Variants in VAV2 observed in about 807,000 individuals in gnomAD.
VAV2 encodes vav guanine nucleotide exchange factor 2.
Under a neutral mutation model 132.5 loss-of-function variants are expected in VAV2, and 67 were observed. That is an observed-to-expected ratio of 0.51 (90% CI 0.42 to 0.62). The LOEUF is 0.62. VAV2 is among the 20% of genes least tolerant of loss of function. The probability of loss-of-function intolerance (pLI) is 0.00; values close to 1 mark genes in which losing one functional copy is unlikely to be tolerated. For synonymous variants in VAV2, 492 were observed against 443.5 expected (o/e 1.11, Z -1.37); for missense variants, 938 against 1,153.6 (o/e 0.81, Z 2.71).
At chr9:133,782,514 A>C (rs896725422) in intron 19 of VAV2, among the ~76,000 whole-genome samples, 33 of 152,202 alleles carry the variant, frequency 2.2e-4, no homozygotes, top group Non-Finnish European at 4.8e-4. Context: ...TCCCCAGGTT[A>C]GGGTACTGGG....
At chr9:133,837,987 A>G (rs1369730918) in intron 3 of VAV2, among the ~76,000 whole-genome samples, 2 of 152,196 alleles carry the variant, frequency 1.3e-5, no homozygotes, top group South Asian at 2.1e-4. Flanking sequence ...CCACAGCCCA[A>G]CAAAAGCTCT....
rs1315625010 is a variant in VAV2 at position 133,885,384 on chromosome 9, A to G, written c.322-23952T>C. On this transcript the variant is annotated intron_variant, in intron 2 of 29. Transcript: ENST00000371850. This position sits in a 1 kb window ranked among gnomAD's most constrained non-coding sequence, Gnocchi z 5.0. The stretch of plus-strand genomic sequence containing the variant: ...CTCAGGCATCCCTGTCACATCGATG[A>G]GCAAACATGGCCCAGCGATTTGTGT... Among the ~76,000 whole-genome samples the G allele has an allele frequency of 1.3e-5, 2 of 152,224 alleles. No individual in the cohort carries two copies. The highest frequency in any genetic ancestry group is 1.9e-4 in the East Asian group (1 of 5,200).
chr9:133,789,327 T>A lies in VAV2; in HGVS notation c.1205A>T (p.Glu402Val), dbSNP rs1359711568. 6.2e-7 allele frequency: 1 copy of A among 1,613,938 alleles called. No homozygotes were observed. Among genetic ancestry groups the A allele is most frequent in the Non-Finnish European group, 8.5e-7 (1 of 1,180,026 alleles). Residue 402 changes from glutamate to valine, a missense_variant, in exon 14 of 30, where the codon GAA becomes GTA. By Grantham distance (121) the Glu-to-Val change is moderately radical (BLOSUM62 -2). Coordinates refer to ENST00000371850, the MANE Select transcript of VAV2 (RefSeq NM_001134398.2). ...SIENLQVKLE[E>V]FGRPKIDGEL... ...CCCGTCAATCTTTGGTCTTCCAAAT[T>A]CCTCCAGTTTCACTTGCTGGGAAGA...
At chr9:133,897,897 G>A (rs1012163990) in intron 2 of VAV2, among the ~76,000 whole-genome samples, 6 of 152,164 alleles carry the variant, frequency 3.9e-5, no homozygotes, top group African/African-American at 1.4e-4. Context: ...AGCAGCCTCT[G>A]CCAATTAAAA....
intron 17 of VAV2, 63 bp from the exon 18 acceptor site, chr9:133,784,481 C>G: frequency 6.3e-7 from 1 of 1,576,064 alleles, no homozygotes; most frequent in Non-Finnish European, 8.7e-7. Flanking sequence ...CACCATGTGG[C>G]CATCCTGGGA....
rs1028986077 is a variant in VAV2, at chr9:133,918,403, C to T, written c.321+20700G>A. Among the ~76,000 whole-genome samples the T allele has an allele frequency of 1.3e-5, 2 of 151,952 alleles. No individual in the cohort carries two copies. Among genetic ancestry groups the T allele is most frequent in the African/African-American group, 4.8e-5 (2 of 41,360 alleles). ...GCCCAGCTGCTAGCCCGGGCTACCA[C>T]CACCACCAGGAAACACTCAGAAACC... On this transcript the variant is annotated intron_variant, in intron 2 of 29. Transcript: ENST00000371850. The surrounding 1 kb of genome is among the most constrained non-coding windows in gnomAD (Gnocchi z 4.7).
Position 133,764,077 on chromosome 9 carries a change from C to T in VAV2, c.2622G>A (p.Glu874=), listed in dbSNP as rs1564321814. The change falls in exon 30 of 30, where the codon GAG becomes GAA. Residue 874 remains glutamate (E), a synonymous_variant. Transcript: ENST00000371850. ...IGWFPSTYVE[E]EGIQ ...GTTCCTGCCGTCACTGGATGCCCTC[C>T]TCTTCTACGTACGTTGAAGGAAACC... 1 of 1,613,996 alleles carries T rather than the reference C, an allele frequency of 6.2e-7. No homozygotes were observed. The highest frequency in any genetic ancestry group is 8.5e-7 in the Non-Finnish European group (1 of 1,179,964).
At chr9:133,843,225 G>T (rs1460784374) in intron 3 of VAV2, among the ~76,000 whole-genome samples, 1 of 152,220 alleles carries the variant, frequency 6.6e-6, no homozygotes, top group East Asian at 1.9e-4. Context: ...GGGCCGAGGG[G>T]TGCAGGGAGC....
intron 3 of VAV2, among the ~76,000 whole-genome samples, chr9:133,858,689 G>A (rs953621525): frequency 5.9e-5 from 9 of 152,140 alleles, no homozygotes; most frequent in Admixed American, 3.9e-4. Flanking sequence ...AATCCGAGAC[G>A]CCCCCAGTGT....
At chr9:133,904,714 G>A (rs535734327) in intron 2 of VAV2, among the ~76,000 whole-genome samples, 4 of 152,336 alleles carry the variant, frequency 2.6e-5, no homozygotes, top group South Asian at 2.1e-4. Context: ...CGTCCTCCCC[G>A]CAAGCTTCTC....
chr9:133,766,162 A>T (rs1833424649), intron 29 of VAV2, among the ~76,000 whole-genome samples: 1 of 152,232 alleles, frequency 6.6e-6, no homozygotes, highest in Non-Finnish European at 1.5e-5. Context: ...ACACGGGGTA[A>T]ATCTAAATAA....
At chr9:133,792,124 G>A (rs1013795755) in intron 12 of VAV2, among the ~76,000 whole-genome samples, 3 of 70,488 alleles carry the variant, frequency 4.3e-5, no homozygotes, top group Admixed American at 1.6e-4. Context: ...TGGGGTGTGT[G>A]TGAGCGGGTT....
intron 2 of VAV2, among the ~76,000 whole-genome samples, chr9:133,936,578 G>A (rs1840918474): frequency 6.6e-6 from 1 of 152,212 alleles, no homozygotes; most frequent in South Asian, 2.1e-4. Context: ...ATAGTGGAGA[G>A]AAAAACAGTA....
chr9:133,954,774 A>T (rs77413158), intron 1 of VAV2, among the ~76,000 whole-genome samples: 2,645 of 136,152 alleles, frequency 0.019, 54 homozygotes, highest in African/African-American at 0.066. Context: ...ATGTGTGTGC[A>T]CATGTATGTG....
chr9:133,782,094 ATCCG>A (rs1834028821), intron 19 of VAV2, among the ~76,000 whole-genome samples: 1 of 145,858 alleles, frequency 6.9e-6, no homozygotes, highest in African/African-American at 2.5e-5. Flanking sequence ...GTAATTAATA[ATCCG>A]GCGGGGGCGG....
chr9:133,816,025 C>T (rs1331358245), intron 4 of VAV2, among the ~76,000 whole-genome samples: 1 of 152,208 alleles, frequency 6.6e-6, no homozygotes, highest in Non-Finnish European at 1.5e-5. Context: ...TTTTTCCATT[C>T]AGCCCCCAGA....
intron 4 of VAV2, among the ~76,000 whole-genome samples, chr9:133,825,221 T>A (rs1835938245): frequency 6.6e-6 from 1 of 152,040 alleles, no homozygotes; most frequent in African/African-American, 2.4e-5. Context: ...GACAAAGGCC[T>A]TTCTGTCCCG....
chr9:133,936,104 T>C (rs1330924016), intron 2 of VAV2, among the ~76,000 whole-genome samples: 4 of 152,078 alleles, frequency 2.6e-5, no homozygotes, highest in Non-Finnish European at 4.4e-5. Context: ...ATTTTACAAA[T>C]GGGACTTGGA....
intron 1 of VAV2, among the ~76,000 whole-genome samples, chr9:133,972,314 AC>A (rs1170576940): frequency 1.3e-5 from 2 of 152,262 alleles, no homozygotes; most frequent in African/African-American, 4.8e-5. Context: ...ATTGCTGGGC[AC>A]CCGTCCGTCC....
Sources: allele counts gnomAD v4.1 joint callset (sites outside exome capture counted in the v4.1 genomes callset), GRCh38; gene constraint gnomAD v4.1.1; non-coding constraint Gnocchi (gnomAD v3.1); transcripts MANE v1.5; gene names NCBI Gene and HGNC (gene_info 2026-07-23, HGNC 2026-07-21).